The following MARS1 variants were observed in gnomAD, a reference collection of about 807,000 sequenced individuals.
MARS1 encodes the protein methionine--tRNA ligase, cytoplasmic.
MARS1 carries 80 observed loss-of-function variants against 119.5 expected under a neutral mutation model. The observed-to-expected ratio is 0.67, with a 90% CI of 0.56 to 0.81. The LOEUF (loss-of-function observed/expected upper bound fraction) is 0.81. MARS1 is among the 30% of genes least tolerant of loss of function. The pLI is 0.00. For synonymous variants in MARS1, 418 were observed against 433.4 expected (o/e 0.96, Z 0.44); for missense variants, 945 against 1,116.5 (o/e 0.85, Z 2.19).
intron 10 of MARS1, among the ~76,000 whole-genome samples, chr12:57,501,955 T>G (rs1417901026): frequency 2.6e-5 from 4 of 151,994 alleles, no homozygotes; most frequent in African/African-American, 9.7e-5. Context: ...AGATTGCCAC[T>G]GCATTCCAGC....
chr12:57,488,851 C>A (rs1204540133), intron 1 of MARS1, 168 bp from the exon 2 acceptor site: 3 of 760,204 alleles, frequency 3.9e-6, no homozygotes, highest in Non-Finnish European at 4.3e-6. Flanking sequence ...GCCTCTCCAG[C>A]CCATTCCGGA....
intron 7 of MARS1, among the ~76,000 whole-genome samples, chr12:57,493,778 T>TATATTATATATTATA (rs1876345958): frequency 1.2e-3 from 1 of 848 alleles, no homozygotes; most frequent in Non-Finnish European, 3.0e-3. Flanking sequence ...ATATATAATA[T>TATATTATATATTATA]ATATTATATA....
chr12:57,507,922 G>A (rs1877297627), intron 11 of MARS1, among the ~76,000 whole-genome samples: 1 of 151,460 alleles, frequency 6.6e-6, no homozygotes. Flanking sequence ...CTGCCGGGCG[G>A]AGGGGCTCCT....
intron 1 of MARS1, chr12:57,488,654 G>A (rs1875663193): frequency 4.0e-5 from 62 of 1,550,642 alleles, no homozygotes; most frequent in Non-Finnish European, 5.2e-5. Flanking sequence ...CTCTTAGGAG[G>A]TTCTCTTGTA....
intron 7 of MARS1, among the ~76,000 whole-genome samples, chr12:57,493,762 TATATTA>T (rs1410970807): frequency 0.11 from 131 of 1,156 alleles, 23 homozygotes; most frequent in African/African-American, 0.17. Flanking sequence ...TTATATTATA[TATATTA>T]TATATAATAT....
chr12:57,499,907 CAA>C (rs764717879), intron 9 of MARS1, among the ~76,000 whole-genome samples: 5 of 151,986 alleles, frequency 3.3e-5, no homozygotes, highest in African/African-American at 1.2e-4. Context: ...TCAAAACAAA[CAA>C]AAAAACCCCC....
chr12:57,493,468 A>G (rs1165771802), intron 7 of MARS1, among the ~76,000 whole-genome samples: 1 of 718 alleles, frequency 1.4e-3, no homozygotes, highest in Non-Finnish European at 5.4e-3. Flanking sequence ...TATAATATAT[A>G]ATATATAATA....
At chr12:57,505,354 G>A (rs1877134877) in intron 11 of MARS1, among the ~76,000 whole-genome samples, 1 of 151,602 alleles carries the variant, frequency 6.6e-6, no homozygotes. Context: ...TAGAGATGGG[G>A]TTTCACCATG....
chr12:57,488,243 C>T (rs1264814209), intron 1 of MARS1, 44 bp downstream of exon 1: 6 of 1,548,022 alleles, frequency 3.9e-6, no homozygotes, highest in South Asian at 2.2e-5. Flanking sequence ...GGGGGCGGGA[C>T]CGAAACACGC....
At chr12:57,500,649 C>T (rs1417606809) in intron 10 of MARS1, 127 bp downstream of exon 10, 1 of 802,828 alleles carries the variant, frequency 1.2e-6, no homozygotes, top group Non-Finnish European at 2.0e-6. Flanking sequence ...CTTTCTGCCC[C>T]ATCTCAGCAA....
At chr12:57,506,675 C>T (rs936677441) in intron 11 of MARS1, among the ~76,000 whole-genome samples, 4 of 151,992 alleles carry the variant, frequency 2.6e-5, no homozygotes, top group Non-Finnish European at 5.9e-5. Context: ...TGGGAATACA[C>T]TTTATTTTTT....
At chr12:57,493,774 A>AATATATATT (rs1876342512) in intron 7 of MARS1, among the ~76,000 whole-genome samples, 1 of 2,824 alleles carries the variant, frequency 3.5e-4, no homozygotes, top group Non-Finnish European at 4.9e-4. Context: ...TATTATATAT[A>AATATATATT]ATATATATTA....
chr12:57,488,521 T>C, intron 1 of MARS1: 1 of 1,503,160 alleles, frequency 6.7e-7, no homozygotes, highest in South Asian at 1.2e-5. Flanking sequence ...GCTCTTTAGT[T>C]ACTAGCATGA....
chr12:57,495,297 C>A (rs907150535), intron 7 of MARS1, among the ~76,000 whole-genome samples: 17 of 150,078 alleles, frequency 1.1e-4, no homozygotes, highest in Non-Finnish European at 2.4e-4. Flanking sequence ...GGCTGCCGGG[C>A]GGACACGCTC....
At chr12:57,493,883 ATAATATATATT>A (rs1876414052) in intron 7 of MARS1, among the ~76,000 whole-genome samples, 1 of 57,350 alleles carries the variant, frequency 1.7e-5, no homozygotes, top group Non-Finnish European at 2.9e-5. Flanking sequence ...TATATAATAT[ATAATATATATT>A]TATGTTATAT....
intron 10 of MARS1, among the ~76,000 whole-genome samples, chr12:57,502,733 C>CAAA (rs1386554638): frequency 1.5e-5 from 2 of 137,304 alleles, no homozygotes; most frequent in African/African-American, 5.5e-5. Context: ...GCAACAACAA[C>CAAA]AAAAAAAAAA....
At chr12:57,504,121 C>A in intron 10 of MARS1, 104 bp from the exon 11 acceptor site, 1 of 777,654 alleles carries the variant, frequency 1.3e-6, no homozygotes, top group Non-Finnish European at 2.3e-6. Context: ...TGAAGCTAAA[C>A]TAGATGGCAG....
intron 8 of MARS1, 38 bp downstream of exon 8, chr12:57,498,311 A>G (rs772690594): frequency 6.2e-7 from 1 of 1,600,614 alleles, no homozygotes; most frequent in Admixed American, 1.7e-5. Flanking sequence ...TCCTAAGGGA[A>G]GGGCGGGTCC....
At chr12:57,489,863 T>G (rs760459995) in intron 4 of MARS1, 33 bp from the exon 5 acceptor site, 1 of 1,581,970 alleles carries the variant, frequency 6.3e-7, no homozygotes, top group East Asian at 2.2e-5. Flanking sequence ...GTGTCTCATT[T>G]GTGTACATTT....
Sources: allele counts gnomAD v4.1 joint callset (sites outside exome capture counted in the v4.1 genomes callset), GRCh38; gene constraint gnomAD v4.1.1; transcripts MANE v1.5; gene names NCBI Gene and HGNC (gene_info 2026-07-23, HGNC 2026-07-21).